The following RELN variants were observed in gnomAD, a reference collection of about 807,000 sequenced individuals.
The protein encoded by RELN is reelin.
Under a neutral mutation model 427.6 loss-of-function variants are expected in RELN, and 108 were observed. The ratio of observed to expected loss-of-function variants is 0.25; its 90% CI spans 0.22 to 0.30. The LOEUF (loss-of-function observed/expected upper bound fraction) is 0.30. RELN is among the 10% of genes least tolerant of loss of function. The probability of loss-of-function intolerance (pLI) is 1.00; values close to 1 mark genes in which losing one functional copy is unlikely to be tolerated. For missense variants in RELN, 3,715 were observed against 4,302.8 expected (o/e 0.86, Z 3.82); for synonymous variants, 1,524 against 1,513.4 (o/e 1.01, Z -0.16).
intron 46 of RELN, 107 bp from the exon 47 acceptor site, chr7:103,523,638 TC>T: frequency 9.7e-7 from 1 of 1,034,062 alleles, no homozygotes; most frequent in East Asian, 2.4e-5. Context: ...GCATGTACAT[TC>T]CTACTTCTTT....
intron 3 of RELN, among the ~76,000 whole-genome samples, chr7:103,826,576 A>G (rs1193723951): frequency 6.6e-6 from 1 of 152,002 alleles, no homozygotes; most frequent in African/African-American, 2.4e-5. Flanking sequence ...CATGGAAAAA[A>G]TTTATTCACC....
rs974243920 is a variant in RELN, at chr7:103,735,871, G to A, written c.657-7664C>T. ...CCAGAAGCAATCTGGCATTCTATAA[G>A]CTTGCATTTCTGAGCCACATTCACC... On this transcript the variant is annotated intron_variant, in intron 6 of 64. Transcript: ENST00000428762. Among the ~76,000 whole-genome samples, 11 of 152,308 alleles carry A rather than the reference G, an allele frequency of 7.2e-5. No individual in the cohort carries two copies. In the East Asian group the frequency reaches 1.9e-3, roughly 27 times the overall value.
intron 1 of RELN, among the ~76,000 whole-genome samples, chr7:103,918,318 G>A (rs1795534211): frequency 6.6e-6 from 1 of 152,072 alleles, no homozygotes. Context: ...TGGGCACTGA[G>A]GTAAGTAGTT....
At chr7:103,843,938 G>C (rs1793616080) in intron 2 of RELN, among the ~76,000 whole-genome samples, 1 of 152,144 alleles carries the variant, frequency 6.6e-6, no homozygotes, top group Non-Finnish European at 1.5e-5. Context: ...GCTGCATGGT[G>C]GTAGATAATC....
At position 103,544,994 on chromosome 7, in the gene RELN, C is replaced by A. The variant is rs547120405; in HGVS notation, c.6523+130G>T. 286 of 764,782 alleles carry A rather than the reference C, an allele frequency of 3.7e-4. 1 individual carries two copies. The highest frequency in any genetic ancestry group is 5.6e-4 in the Non-Finnish European group (250 of 447,704). 47.4% of individuals were successfully genotyped at this position (764,782 alleles called of 1,614,324 possible). ...CTATAAATTCAGAACTAAATGAATTCTTGGATGTTCACAATTGAAATAATA... is the reference window on the plus strand; with the variant it reads ...CTATAAATTCAGAACTAAATGAATTATTGGATGTTCACAATTGAAATAATA... On this transcript the variant is annotated intron_variant, in intron 42 of 64. Coordinates refer to ENST00000428762, the MANE Select transcript of RELN (RefSeq NM_005045.4).
chr7:103,496,171 G>A (rs1310677123), intron 56 of RELN, among the ~76,000 whole-genome samples: 1 of 102,108 alleles, frequency 9.8e-6, no homozygotes, highest in Non-Finnish European at 2.2e-5. Context: ...GCTAGTCTAG[G>A]TAACCTAGCA....
At chr7:103,562,679 G>C (rs948649989) in intron 34 of RELN, among the ~76,000 whole-genome samples, 2 of 152,182 alleles carry the variant, frequency 1.3e-5, no homozygotes, top group African/African-American at 2.4e-5. Context: ...ACTTGAAGTA[G>C]AATTTCAGCA....
At chr7:103,722,744 C>A (rs1385822325) in intron 8 of RELN, among the ~76,000 whole-genome samples, 1 of 152,110 alleles carries the variant, frequency 6.6e-6, no homozygotes, top group South Asian at 2.1e-4. Flanking sequence ...TGGTTTCTTT[C>A]GGTTACCAGT....
intron 11 of RELN, among the ~76,000 whole-genome samples, chr7:103,675,801 T>G (rs1178684776): frequency 6.6e-6 from 1 of 152,196 alleles, no homozygotes; most frequent in African/African-American, 2.4e-5. Context: ...GATTCCCTAT[T>G]TAATAAACGG....
intron 10 of RELN, among the ~76,000 whole-genome samples, chr7:103,691,866 A>G (rs1399144655): frequency 6.6e-6 from 1 of 152,110 alleles, no homozygotes; most frequent in African/African-American, 2.4e-5. Context: ...GTAGTTAATA[A>G]AACTAGTATA....
rs1456669907 is a variant in RELN, at chr7:103,610,820, TA to T, written c.2896-14del. ...TTGGAAGGCATTCCTGAAAGAAAGT[TA>T]GGCACAAATCAAACCCAGCTTCTGT... On this transcript the variant is annotated splice_polypyrimidine_tract_variant and intron_variant, in intron 21 of 64. Coordinates refer to ENST00000428762, the MANE Select transcript of RELN (RefSeq NM_005045.4). 1.7e-5 allele frequency: 25 copies of T among 1,478,274 alleles called. No individual in the cohort carries two copies. The highest frequency in any genetic ancestry group is 2.3e-5 in the Non-Finnish European group (24 of 1,056,472). The allele number at this position is 1,478,274 out of a possible 1,614,324, so 91.6% of individuals were successfully genotyped here. A position where few individuals can be genotyped will look rare whatever the true frequency, so the allele number is the denominator to read the frequency against.
rs1831741951 is a variant in RELN, at chr7:103,603,969, C to T, written c.3146+377G>A. ...TGTCCTCATTAGCAATAATCACCAT[C>T]TCCCCATGTATACAACCTTGAACTT... On this transcript the variant is annotated intron_variant, in intron 23 of 64. Coordinates refer to ENST00000428762, the MANE Select transcript of RELN (RefSeq NM_005045.4). The surrounding 1 kb of genome is among the most constrained non-coding windows in gnomAD (Gnocchi z 4.3). Among the ~76,000 whole-genome samples, 1 of 152,128 alleles carries T rather than the reference C, an allele frequency of 6.6e-6. No individual in the cohort carries two copies. The highest frequency in any genetic ancestry group is 1.5e-5 in the Non-Finnish European group (1 of 68,026).
intron 3 of RELN, among the ~76,000 whole-genome samples, chr7:103,780,129 A>T (rs1487023216): frequency 1.3e-5 from 2 of 152,126 alleles, no homozygotes; most frequent in Non-Finnish European, 2.9e-5. Flanking sequence ...CAAACTTCTC[A>T]TCATTTCCGT....
chr7:103,706,892 G>A (rs1241615042), intron 8 of RELN, among the ~76,000 whole-genome samples: 1 of 152,046 alleles, frequency 6.6e-6, no homozygotes, highest in Non-Finnish European at 1.5e-5. Flanking sequence ...GTGTACTTGG[G>A]CATCACTTTC....
chr7:103,561,511 A>G (rs1490701248), intron 36 of RELN, 21 bp downstream of exon 36: 1 of 1,579,186 alleles, frequency 6.3e-7, no homozygotes, highest in South Asian at 1.1e-5. Context: ...GTTGGGAAGG[A>G]GAATCTTATC....
intron 28 of RELN, among the ~76,000 whole-genome samples, chr7:103,580,224 C>T (rs527303654): frequency 6.6e-6 from 1 of 152,322 alleles, no homozygotes; most frequent in East Asian, 1.9e-4. Flanking sequence ...TTTCCAACAC[C>T]GCATTTGGAG....
At chr7:103,858,344 G>A (rs1221370934) in intron 2 of RELN, among the ~76,000 whole-genome samples, 1 of 152,132 alleles carries the variant, frequency 6.6e-6, no homozygotes, top group Non-Finnish European at 1.5e-5. Flanking sequence ...ATAGTACCTG[G>A]CACATAGTAA....
At chr7:103,762,814 T>C (rs1410652827) in intron 4 of RELN, among the ~76,000 whole-genome samples, 1 of 152,172 alleles carries the variant, frequency 6.6e-6, no homozygotes, top group Non-Finnish European at 1.5e-5. Flanking sequence ...GTATAATCTG[T>C]CTTGCTCTAA....
At chr7:103,805,763 G>A (rs891207666) in intron 3 of RELN, among the ~76,000 whole-genome samples, 2 of 152,142 alleles carry the variant, frequency 1.3e-5, no homozygotes, top group Non-Finnish European at 2.9e-5. Flanking sequence ...TGAAGTATAA[G>A]CCAAATTGTT....
Sources: allele counts gnomAD v4.1 joint callset (sites outside exome capture counted in the v4.1 genomes callset), GRCh38; gene constraint gnomAD v4.1.1; non-coding constraint Gnocchi (gnomAD v3.1); transcripts MANE v1.5; gene names NCBI Gene and HGNC (gene_info 2026-07-23, HGNC 2026-07-21).